Variants in CETP observed in about 807,000 individuals in gnomAD.
The protein encoded by CETP is BPI fold containing family F.
A neutral mutation model predicts 66.5 loss-of-function variants in CETP; 56 were observed. The observed-to-expected ratio is 0.84, with a 90% CI of 0.68 to 1.05. CETP has a LOEUF of 1.05. Ranked by LOEUF, CETP falls within the 50% of genes least tolerant of loss-of-function variation. The probability of loss-of-function intolerance (pLI) is 0.00; values close to 1 mark genes in which losing one functional copy is unlikely to be tolerated. For missense variants in CETP, 612 were observed against 609.6 expected, an observed-to-expected ratio of 1.00 and a Z score of -0.04; for synonymous variants, 251 against 245.7, an observed-to-expected ratio of 1.02 and a Z score of -0.20.
At position 56,962,058 on chromosome 16, in the gene CETP, G is replaced by C. The variant is rs2141989701; in HGVS notation, c.79G>C (p.Gly27Arg). ...CTCCAAAGGCACCTCGCACGAGGCAGGCATCGTGTGCCGCATCACCAAGCC... is the reference window on the plus strand; with the variant it reads ...CTCCAAAGGCACCTCGCACGAGGCACGCATCGTGTGCCGCATCACCAAGCC... ...ACSKGTSHEA[G>R]IVCRITKPAL... The change falls in exon 1 of 16, where the codon GGC (glycine) becomes CGC (arginine). Residue 27 changes from glycine (G) to arginine (R), a missense_variant. Coordinates refer to ENST00000200676, the MANE Select transcript of CETP (RefSeq NM_000078.3). The C allele has an allele frequency of 6.2e-7, 1 of 1,614,142 alleles. No individual in the cohort carries two copies.
intron 2 of CETP, among the ~76,000 whole-genome samples, chr16:56,965,515 C>T (rs1285154027): frequency 6.6e-6 from 1 of 152,136 alleles, no homozygotes; most frequent in Admixed American, 6.6e-5. Context: ...GGATCAAATT[C>T]CCTTCTACTG....
chr16:56,971,491 G>T, intron 7 of CETP, 110 bp downstream of exon 7: 1 of 927,036 alleles, frequency 1.1e-6, no homozygotes, highest in Non-Finnish European at 1.8e-6. Flanking sequence ...AGGTCCCATG[G>T]GCTCTATCTG....
At chr16:56,972,991 C>G (rs1364547132) in intron 8 of CETP, among the ~76,000 whole-genome samples, 1 of 152,206 alleles carries the variant, frequency 6.6e-6, no homozygotes, top group Admixed American at 6.5e-5. Flanking sequence ...GGACTGCCCT[C>G]TGCAGGGGCA....
intron 7 of CETP, 28 bp downstream of exon 7, chr16:56,971,409 A>G: frequency 6.2e-7 from 1 of 1,605,804 alleles, no homozygotes; most frequent in Non-Finnish European, 8.5e-7. Flanking sequence ...TGCATGCCTC[A>G]GAAGACAGCA....
intron 11 of CETP, among the ~76,000 whole-genome samples, chr16:56,979,718 G>A (rs976964612): frequency 6.6e-6 from 1 of 152,080 alleles, no homozygotes; most frequent in Non-Finnish European, 1.5e-5. Context: ...GGTTGGCCAG[G>A]CCAGTTTCAA....
At chr16:56,969,562 T>G in intron 3 of CETP, 42 bp downstream of exon 3, 1 of 1,614,132 alleles carries the variant, frequency 6.2e-7, no homozygotes, top group East Asian at 2.2e-5. Context: ...CCTGGCCCTC[T>G]CTGGGCTGGA....
rs2056114256 is a variant in CETP, at chr16:56,972,007, A to G, written c.674A>G (p.Asp225Gly). Reference protein sequence around the residue: ...VQTRAASILSDGDIGVDISLT... With the variant: ...VQTRAASILSGGDIGVDISLT... The stretch of plus-strand genomic sequence containing the variant: ...CCTCCTGCAGCCAGCATCCTTTCAG[A>G]TGGAGACATTGGGGTGGACATTTCC... Residue 225 changes from aspartate (D) to glycine (G), a missense_variant, in exon 8 of 16, where the codon GAT becomes GGT. Coordinates refer to ENST00000200676, the MANE Select transcript of CETP (RefSeq NM_000078.3). 6.2e-7 allele frequency: 1 copy of G among 1,614,108 alleles called. No homozygotes were observed. Among genetic ancestry groups the G allele is most frequent in the South Asian group, 1.1e-5 (1 of 91,078 alleles).
intron 8 of CETP, among the ~76,000 whole-genome samples, chr16:56,972,533 C>T (rs566866796): frequency 7.2e-5 from 11 of 152,318 alleles, no homozygotes; most frequent in Non-Finnish European, 1.5e-4. Flanking sequence ...TCTGCAGCCC[C>T]GCGGGATCAG....
Position 56,969,993 on chromosome 16 carries a change from G to C in CETP, c.519G>C (p.Gly173=). The change falls in exon 5 of 16, where the codon GGG becomes GGC. Residue 173 remains glycine (G), a synonymous_variant. Coordinates refer to ENST00000200676, the MANE Select transcript of CETP (RefSeq NM_000078.3). The stretch of plus-strand genomic sequence containing the variant: ...ATAAGCTGCTCCTGCATCTCCAAGG[G>C]GAGCGAGAGTAAGTACACCACCCTG... ...SFHKLLLHLQ[G]EREPGWIKQL... 1.9e-6 allele frequency: 3 copies of C among 1,613,664 alleles called. No homozygotes were observed. Among genetic ancestry groups the C allele is most frequent in the Non-Finnish European group, 2.5e-6 (3 of 1,179,888 alleles).
At chr16:56,973,232 C>A in intron 8 of CETP, 99 bp from the exon 9 acceptor site, 1 of 1,301,830 alleles carries the variant, frequency 7.7e-7, no homozygotes, top group Non-Finnish European at 1.1e-6. Flanking sequence ...CCCATCTGCA[C>A]TCTGGGCTGA....
chr16:56,962,865 G>C (rs2056034430), intron 1 of CETP, 145 bp from the exon 2 acceptor site: 2 of 709,564 alleles, frequency 2.8e-6, no homozygotes, highest in East Asian at 5.5e-5. Flanking sequence ...TAAACCCAGA[G>C]GGAGGCCCAG....
chr16:56,975,887 C>G (rs12720939), intron 10 of CETP, among the ~76,000 whole-genome samples: 14 of 152,154 alleles, frequency 9.2e-5, no homozygotes, highest in African/African-American at 3.4e-4. Context: ...ACTTCCCCCC[C>G]ACGTCGCTGC....
chr16:56,975,810 T>TCTA (rs2056146187), intron 10 of CETP, among the ~76,000 whole-genome samples: 5 of 151,776 alleles, frequency 3.3e-5, no homozygotes, highest in African/African-American at 1.2e-4. Context: ...CCCCCTCCTG[T>TCTA]CTACCTTCCA....
chr16:56,963,609 C>T (rs1387833895), intron 2 of CETP, among the ~76,000 whole-genome samples: 3 of 152,072 alleles, frequency 2.0e-5, no homozygotes, highest in East Asian at 3.8e-4. Context: ...AGTCAAGGGT[C>T]GGTTGTGGGC....
chr16:56,962,999 C>G lies in CETP; in HGVS notation c.119-11C>G. 1.2e-6 allele frequency: 2 copies of G among 1,612,306 alleles called. No individual in the cohort carries two copies. The highest frequency in any genetic ancestry group is 2.2e-5 in the South Asian group (2 of 91,050). On this transcript the variant is annotated splice_polypyrimidine_tract_variant and intron_variant, in intron 1 of 15. Transcript: ENST00000200676. ...GGCCTGCAGCCCCTCATCCACTGCC[C>G]TCCCCTCTAGTGAACCACGAGACTG...
In CETP at chr16:56,983,443, T is replaced by C. The variant is rs753443384; in HGVS notation, c.1407+32T>C. The C allele has an allele frequency of 6.2e-6, 10 of 1,608,268 alleles. No homozygotes were observed. The African/African-American group carries it at 1.3e-4, about 21-fold the overall frequency. On this transcript the variant is annotated intron_variant, in intron 15 of 15. Coordinates refer to ENST00000200676, the MANE Select transcript of CETP (RefSeq NM_000078.3). The stretch of plus-strand genomic sequence containing the variant: ...ACAAAGCCCCCCTCACCAGCCCCTG[T>C]TCCTGGGGAGAGAGGCCCAGACAGG...
chr16:56,975,880 TC>T (rs572885305), intron 10 of CETP, among the ~76,000 whole-genome samples: 17 of 151,518 alleles, frequency 1.1e-4, no homozygotes, highest in African/African-American at 2.2e-4. Flanking sequence ...CAACAGAACT[TC>T]CCCCCCACGT....
intron 1 of CETP, 191 bp downstream of exon 1, chr16:56,962,288 A>G: frequency 1.3e-6 from 1 of 742,496 alleles, no homozygotes; most frequent in South Asian, 1.4e-5. Flanking sequence ...TTCAAGGTCA[A>G]GTTCTTTGGT....
At chr16:56,962,780 G>GATC (rs2141990462) in intron 1 of CETP, among the ~76,000 whole-genome samples, 1 of 152,268 alleles carries the variant, frequency 6.6e-6, no homozygotes, top group East Asian at 1.9e-4. Context: ...GGATCCAGAG[G>GATC]CTAGGGTATG....
Sources: gnomAD v4.1 joint callset for allele counts (sites outside exome capture counted in the v4.1 genomes callset) on GRCh38, gnomAD v4.1.1 for gene constraint, MANE v1.5 for transcripts, NCBI Gene and HGNC (gene_info 2026-07-23, HGNC 2026-07-21) for gene names.